The following MYCN variants were observed in gnomAD, a reference collection of about 807,000 sequenced individuals.
The protein encoded by MYCN is MYCN proto-oncogene, bHLH transcription factor.
MYCN carries 3 observed loss-of-function variants against 28.1 expected under a neutral mutation model. That is an observed-to-expected ratio of 0.11 (90% CI 0.05 to 0.28). The LOEUF (loss-of-function observed/expected upper bound fraction) is 0.28. Ranked by LOEUF, MYCN falls within the 10% of genes least tolerant of loss-of-function variation. The pLI, the probability that MYCN is intolerant of heterozygous loss-of-function variation, is 1.00. For missense variants in MYCN, 572 were observed against 651.4 expected (o/e 0.88, Z 1.33); for synonymous variants, 326 against 288.3 (o/e 1.13, Z -1.32).
At position 15,941,875 on chromosome 2, in the gene MYCN, A is replaced by AGGG; in HGVS notation, c.-117-70_-117-68dup. The AGGG allele has an allele frequency of 1.5e-6, 1 of 648,348 alleles. No homozygotes were observed. The highest frequency in any genetic ancestry group is 2.7e-6 in the Non-Finnish European group (1 of 373,594). The allele number at this position is 648,348 out of a possible 1,614,324, so 40.2% of individuals were successfully genotyped here. A position where few individuals can be genotyped will look rare whatever the true frequency, so the allele number is the denominator to read the frequency against. ...AGGGAAGATTGGGGAACCTGGTTAG[A>AGGG]GGGGGCGCCCATTGCCTATCCCCTC... On this transcript the variant is annotated intron_variant, in intron 1 of 2. Coordinates refer to ENST00000281043, the MANE Select transcript of MYCN (RefSeq NM_005378.6). This position sits in a 1 kb window ranked among gnomAD's most constrained non-coding sequence, Gnocchi z 4.8.
In MYCN at chr2:15,942,105, G is replaced by T; in HGVS notation, c.41G>T (p.Cys14Phe). The T allele has an allele frequency of 6.2e-7, 1 of 1,613,906 alleles. No individual in the cohort carries two copies. Among genetic ancestry groups the T allele is most frequent in the Non-Finnish European group, 8.5e-7 (1 of 1,180,022 alleles). ...ACGTCCACCATGCCGGGCATGATCT[G>T]CAAGAACCCAGACCTCGAGTTTGAC... ...CSTSTMPGMI[C>F]KNPDLEFDSL... The change falls in exon 2 of 3, where the codon TGC becomes TTC. Residue 14 changes from cysteine to phenylalanine, a missense_variant. Cys to Phe is a radical substitution (Grantham distance 205). Transcript: ENST00000281043. The surrounding 1 kb of genome is among the most constrained non-coding windows in gnomAD (Gnocchi z 7.0).
chr2:15,943,408 T>TC (rs922183945), intron 2 of MYCN, among the ~76,000 whole-genome samples: 6 of 150,580 alleles, frequency 4.0e-5, no homozygotes, highest in Admixed American at 2.0e-4. Flanking sequence ...TTTTTCTTTT[T>TC]TTTTTTTTTT....
intron 2 of MYCN, among the ~76,000 whole-genome samples, chr2:15,943,636 T>A (rs766312505): frequency 6.6e-6 from 1 of 152,156 alleles, no homozygotes; most frequent in Non-Finnish European, 1.5e-5. Context: ...CTTTCCAGTG[T>A]GCAGTGGAAA....
Position 15,942,869 on chromosome 2 carries a change from C to T in MYCN, c.790+15C>T, listed in dbSNP as rs772099565. 209 of 1,577,160 alleles carry T rather than the reference C, an allele frequency of 1.3e-4. No homozygotes were observed. Among genetic ancestry groups the T allele is most frequent in the Non-Finnish European group, 1.7e-4 (199 of 1,168,094 alleles). On this transcript the variant is annotated intron_variant, in intron 2 of 2. Transcript: ENST00000281043. The surrounding 1 kb of genome is among the most constrained non-coding windows in gnomAD (Gnocchi z 7.0). ...GAGCGATTCAGGTAAAGACCGAACTCGGGTCCGGCTGCCTCCCTGGGGCAC... is the reference window on the plus strand; with the variant it reads ...GAGCGATTCAGGTAAAGACCGAACTTGGGTCCGGCTGCCTCCCTGGGGCAC...
Position 15,945,395 on chromosome 2 carries a change from GC to G in MYCN, c.791-96del. The stretch of plus-strand genomic sequence containing the variant: ...TAAAAATAGCAGTCTGCCAGGGTCT[GC>G]CGGAAGAGACAGATAAGCATACATA... On this transcript the variant is annotated intron_variant, in intron 2 of 2. Coordinates refer to ENST00000281043, the MANE Select transcript of MYCN (RefSeq NM_005378.6). The surrounding 1 kb of genome is among the most constrained non-coding windows in gnomAD (Gnocchi z 4.8). 4.2e-6 allele frequency: 6 copies of G among 1,421,258 alleles called. No individual in the cohort carries two copies. Among genetic ancestry groups the G allele is most frequent in the Non-Finnish European group, 5.8e-6 (6 of 1,031,266 alleles). The allele number at this position is 1,421,258 out of a possible 1,614,324, so 88.0% of individuals were successfully genotyped here. A position where few individuals can be genotyped will look rare whatever the true frequency, so the allele number is the denominator to read the frequency against.
intron 1 of MYCN, 113 bp downstream of exon 1, chr2:15,940,856 G>A: frequency 7.5e-6 from 3 of 398,118 alleles, no homozygotes; most frequent in Non-Finnish European, 8.9e-6. Flanking sequence ...AATATGCCCG[G>A]GGGACTGTTT....
At position 15,942,904 on chromosome 2, in the gene MYCN, G is replaced by A; in HGVS notation, c.790+50G>A. On this transcript the variant is annotated intron_variant, in intron 2 of 2. Transcript: ENST00000281043. The surrounding 1 kb of genome is among the most constrained non-coding windows in gnomAD (Gnocchi z 7.0). ...TGCCTCCCTGGGGCACTGGACCCCG[G>A]GTCGCGTCCCCTTTGTTAGTGCTCG... 6.5e-7 allele frequency: 1 copy of A among 1,541,126 alleles called. No homozygotes were observed. The highest frequency in any genetic ancestry group is 8.7e-7 in the Non-Finnish European group (1 of 1,146,488).
Position 15,946,270 on chromosome 2 carries a change from G to A in MYCN, c.*173G>A. ...TGTGGGGTTCTGCTGGGACCTTGGA[G>A]AGCCTGCATCCCAGGATGCTGGGTG... On this transcript the variant is annotated 3_prime_UTR_variant, in exon 3 of 3. Coordinates refer to ENST00000281043, the MANE Select transcript of MYCN (RefSeq NM_005378.6). 3 of 905,816 alleles carry A rather than the reference G, an allele frequency of 3.3e-6. No homozygotes were observed. Among genetic ancestry groups the A allele is most frequent in the Non-Finnish European group, 5.1e-6 (3 of 585,498 alleles). The allele number at this position is 905,816 out of a possible 1,614,324, so 56.1% of individuals were successfully genotyped here.
intron 2 of MYCN, among the ~76,000 whole-genome samples, chr2:15,943,292 A>C (rs562680810): frequency 1.7e-4 from 26 of 152,132 alleles, no homozygotes; most frequent in Non-Finnish European, 1.8e-4. Flanking sequence ...CAGGGGAGGG[A>C]AAGACATCCC....
chr2:15,942,388 C>A lies in MYCN; in HGVS notation c.324C>A (p.Asn108Lys). 1 of 1,607,666 alleles carries A rather than the reference C, an allele frequency of 6.2e-7. No homozygotes were observed. The highest frequency in any genetic ancestry group is 8.5e-7 in the Non-Finnish European group (1 of 1,178,780). The change falls in exon 2 of 3, where the codon AAC (asparagine) becomes AAA (lysine). Residue 108 changes from asparagine (N) to lysine (K), a missense_variant. Asn to Lys is a moderately conservative substitution (Grantham distance 94). This residue lies in a region of MYCN where 499 missense variants were observed against 524.3 expected (regional missense o/e 0.95). Transcript: ENST00000281043. The surrounding 1 kb of genome is among the most constrained non-coding windows in gnomAD (Gnocchi z 7.0). ...GGGGACTGGGTGGCCTCACCCCCAA[C>A]CCGGTCATCCTCCAGGACTGCATGT... ...GLGGLGGLTPNPVILQDCMWS... is the reference protein window; with the variant it reads ...GLGGLGGLTPKPVILQDCMWS...
Position 15,946,363 on chromosome 2 carries a change from G to C in MYCN, c.*266G>C. On this transcript the variant is annotated 3_prime_UTR_variant, in exon 3 of 3. Transcript: ENST00000281043. Reference sequence around the variant, plus strand: ...CGTTGGTGACGGTTGGGAGCCTCTGGGGCTGTTGAAGTCACCTTGTGTGTT... The same window carrying C: ...CGTTGGTGACGGTTGGGAGCCTCTGCGGCTGTTGAAGTCACCTTGTGTGTT... 3.8e-6 allele frequency: 2 copies of C among 530,726 alleles called. No homozygotes were observed. Among genetic ancestry groups the C allele is most frequent in the Non-Finnish European group, 6.8e-6 (2 of 293,918 alleles). The allele number at this position is 530,726 out of a possible 1,614,324, so 32.9% of individuals were successfully genotyped here. A position where few individuals can be genotyped will look rare whatever the true frequency, so the allele number is the denominator to read the frequency against.
At chr2:15,940,850 T>C in intron 1 of MYCN, 107 bp downstream of exon 1, 1 of 397,484 alleles carries the variant, frequency 2.5e-6, no homozygotes. Context: ...CGCCCTAATA[T>C]GCCCGGGGGA....
At position 15,942,052 on chromosome 2, in the gene MYCN, G is replaced by A. The variant is rs1231510795; in HGVS notation, c.-13G>A. 1 of 1,613,300 alleles carries A rather than the reference G, an allele frequency of 6.2e-7. No homozygotes were observed. Among genetic ancestry groups the A allele is most frequent in the Non-Finnish European group, 8.5e-7 (1 of 1,179,954 alleles). On this transcript the variant is annotated 5_prime_UTR_variant, in exon 2 of 3. Coordinates refer to ENST00000281043, the MANE Select transcript of MYCN (RefSeq NM_005378.6). The surrounding 1 kb of genome is among the most constrained non-coding windows in gnomAD (Gnocchi z 7.0). ...GGAAAGAAGCCCTCAGTCGCCGGCC[G>A]GGAGGCGAGCCGATGCCGAGCTGCT...
Position 15,941,990 on chromosome 2 carries a change from GGGAA to G in MYCN, c.-69_-66del. The G allele has an allele frequency of 6.3e-7, 1 of 1,583,548 alleles. No homozygotes were observed. Among genetic ancestry groups the G allele is most frequent in the South Asian group, 1.1e-5 (1 of 88,172 alleles). On this transcript the variant is annotated 5_prime_UTR_variant, in exon 2 of 3. Transcript: ENST00000281043. This position sits in a 1 kb window ranked among gnomAD's most constrained non-coding sequence, Gnocchi z 4.8. ...GGCCCCCGCCTTCCGCGCCCCCCAC[GGGAA>G]GGAAGCACCCCCGGTATTAAAACGA...
chr2:15,942,884 C>A lies in MYCN; in HGVS notation c.790+30C>A. The A allele has an allele frequency of 6.4e-7, 1 of 1,565,516 alleles. No homozygotes were observed. The highest frequency in any genetic ancestry group is 8.6e-7 in the Non-Finnish European group (1 of 1,161,176). ...AGACCGAACTCGGGTCCGGCTGCCTCCCTGGGGCACTGGACCCCGGGTCGC... is the reference window on the plus strand; with the variant it reads ...AGACCGAACTCGGGTCCGGCTGCCTACCTGGGGCACTGGACCCCGGGTCGC... On this transcript the variant is annotated intron_variant, in intron 2 of 2. Coordinates refer to ENST00000281043, the MANE Select transcript of MYCN (RefSeq NM_005378.6). This position sits in a 1 kb window ranked among gnomAD's most constrained non-coding sequence, Gnocchi z 7.0.
In MYCN at chr2:15,941,711, G is replaced by T. The variant is rs111866702; in HGVS notation, c.-117-237G>T. 164 of 394,526 alleles carry T rather than the reference G, an allele frequency of 4.2e-4. No individual in the cohort carries two copies. The highest frequency in any genetic ancestry group is 3.1e-3 in the African/African-American group (153 of 49,066). The allele number at this position is 394,526 out of a possible 1,614,324, so 24.4% of individuals were successfully genotyped here. On this transcript the variant is annotated intron_variant, in intron 1 of 2. Transcript: ENST00000281043. The surrounding 1 kb of genome is among the most constrained non-coding windows in gnomAD (Gnocchi z 4.8). ...GCAGTTTCCAAAGTTGCGGAGCCTC[G>T]CCACCACCCCCTGCATCTGCATGCC...
Position 15,945,515 on chromosome 2 carries a change from A to G in MYCN, c.813A>G (p.Glu271=), listed in dbSNP as rs1057521388. The G allele has an allele frequency of 1.1e-5, 17 of 1,611,968 alleles. No homozygotes were observed. Among genetic ancestry groups the G allele is most frequent in the Non-Finnish European group, 1.4e-5 (17 of 1,179,092 alleles). ...CAGATGATGAAGATGATGAAGAGGA[A>G]GATGAAGAGGAAGAAATCGACGTGG... ...SDSDDEDDEE[E]DEEEEIDVVT... The change falls in exon 3 of 3, where the codon GAA becomes GAG. Residue 271 remains glutamate, a synonymous_variant. Coordinates refer to ENST00000281043, the MANE Select transcript of MYCN (RefSeq NM_005378.6). This position sits in a 1 kb window ranked among gnomAD's most constrained non-coding sequence, Gnocchi z 4.8.
In MYCN at chr2:15,945,793, C is replaced by T. The variant is rs766312745; in HGVS notation, c.1091C>T (p.Pro364Leu). 9 of 1,613,942 alleles carry T rather than the reference C, an allele frequency of 5.6e-6. No homozygotes were observed. In the Admixed American group the frequency reaches 8.3e-5, roughly 15 times the overall value. ...CCACGTCCGCTCAAGAGTGTCATCCCCCCAAAGGCTAAGAGCTTGAGCCCC... is the reference window on the plus strand; with the variant it reads ...CCACGTCCGCTCAAGAGTGTCATCCTCCCAAAGGCTAAGAGCTTGAGCCCC... ...ASPRPLKSVI[P>L]PKAKSLSPRN... Residue 364 changes from proline to leucine, a missense_variant, in exon 3 of 3, where the codon CCC becomes CTC. Pro to Leu is a moderately conservative substitution (Grantham distance 98). This residue lies in a region of MYCN where 499 missense variants were observed against 524.3 expected (regional missense o/e 0.95). Transcript: ENST00000281043. This position sits in a 1 kb window ranked among gnomAD's most constrained non-coding sequence, Gnocchi z 4.8.
chr2:15,945,005 G>A lies in MYCN; in HGVS notation c.791-488G>A, dbSNP rs1276617902. On this transcript the variant is annotated intron_variant, in intron 2 of 2. Coordinates refer to ENST00000281043, the MANE Select transcript of MYCN (RefSeq NM_005378.6). This position sits in a 1 kb window ranked among gnomAD's most constrained non-coding sequence, Gnocchi z 4.8. ...GTATGTATGTATGGGGGGTTGTTTTGTTTTTGTTTTTGATAAGGAGTTTTG... is the reference window on the plus strand; with the variant it reads ...GTATGTATGTATGGGGGGTTGTTTTATTTTTGTTTTTGATAAGGAGTTTTG... Among the ~76,000 whole-genome samples the A allele has an allele frequency of 6.6e-6, 1 of 151,630 alleles. No homozygotes were observed. The highest frequency in any genetic ancestry group is 1.5e-5 in the Non-Finnish European group (1 of 67,932).
Sources: allele counts gnomAD v4.1 joint callset (sites outside exome capture counted in the v4.1 genomes callset), GRCh38; gene constraint gnomAD v4.1.1; regional missense constraint gnomAD v4.1.1; non-coding constraint Gnocchi (gnomAD v3.1); transcripts MANE v1.5; gene names NCBI Gene and HGNC (gene_info 2026-07-23, HGNC 2026-07-21).